Variants in PCGF2 observed in about 807,000 individuals in gnomAD.
PCGF2 encodes polycomb group ring finger 2.
Under a neutral mutation model 36.1 loss-of-function variants are expected in PCGF2, and 8 were observed. The ratio of observed to expected loss-of-function variants is 0.22; its 90% CI spans 0.13 to 0.40. PCGF2 has a LOEUF of 0.40. Ranked by LOEUF, PCGF2 falls within the 10% of genes least tolerant of loss-of-function variation. The pLI is 1.00. For missense variants in PCGF2, 436 were observed against 475.9 expected, an observed-to-expected ratio of 0.92 and a Z score of 0.78; for synonymous variants, 198 against 191.2, an observed-to-expected ratio of 1.04 and a Z score of -0.29.
At chr17:38,738,689 CTG>C (rs1906957993) in intron 7 of PCGF2, 62 bp downstream of exon 7, 1 of 1,573,810 alleles carries the variant, frequency 6.4e-7, no homozygotes, top group South Asian at 1.1e-5. Context: ...AGAGAGGGTC[CTG>C]GGTGGGAGAA....
At position 38,738,446 on chromosome 17, in the gene PCGF2, T is replaced by C; in HGVS notation, c.483A>G (p.Thr161=). 3 of 1,614,114 alleles carry C rather than the reference T, an allele frequency of 1.9e-6. No homozygotes were observed. The highest frequency in any genetic ancestry group is 1.7e-5 in the Admixed American group (1 of 60,018). ...CTGGGCATCGCAGGAAGCGCACCCC[T>C]GTCTGCTGGGGCACAGGCACCCATG... is the stretch of plus-strand genomic sequence containing the variant. ...LENGDGDKEK[T]GVRFLRCPAA... Residue 161 remains threonine (T), a splice_region_variant and synonymous_variant, in exon 9 of 11, where the codon ACA becomes ACG. Transcript: ENST00000620225.
intron 2 of PCGF2, among the ~76,000 whole-genome samples, chr17:38,742,513 A>G (rs1045669522): frequency 2.6e-5 from 4 of 152,206 alleles, no homozygotes; most frequent in Non-Finnish European, 4.4e-5. Context: ...ACAGAGGGGC[A>G]CAAGCCAGTC....
At position 38,739,174 on chromosome 17, in the gene PCGF2, G is replaced by A; in HGVS notation, c.265+24C>T. 6.2e-7 allele frequency: 1 copy of A among 1,613,910 alleles called. No homozygotes were observed. The highest frequency in any genetic ancestry group is 8.5e-7 in the Non-Finnish European group (1 of 1,179,796). ...CCATGGGTTGGGAAATGGGGTCAGT[G>A]GAGGAGGAATGGAGTGCAGATACCT... On this transcript the variant is annotated intron_variant, in intron 5 of 10. Coordinates refer to ENST00000620225, the MANE Select transcript of PCGF2 (RefSeq NM_007144.3). The surrounding 1 kb of genome is among the most constrained non-coding windows in gnomAD (Gnocchi z 4.0).
At chr17:38,749,789 G>A (rs982275976), upstream of PCGF2, 14 of 454,888 alleles carry the variant, frequency 3.1e-5, no homozygotes, top group Admixed American at 3.3e-4. The surrounding 1 kb of genome is among the most constrained non-coding windows in gnomAD (Gnocchi z 6.5). Flanking sequence ...ACTGGCCGCC[G>A]AGTGACCCCA....
At chr17:38,743,637 G>T (rs914419627) in intron 2 of PCGF2, among the ~76,000 whole-genome samples, 1 of 152,118 alleles carries the variant, frequency 6.6e-6, no homozygotes, top group Non-Finnish European at 1.5e-5. Context: ...GGTTCTGACT[G>T]TTACCTCTGG....
chr17:38,735,415 G>T lies in PCGF2; in HGVS notation c.843C>A (p.Thr281=), dbSNP rs1226495029. ...GGGAACTGGGAGAGCCATGGGATGGGGTGGCTGGGCTGGGCAGGGAGGAGG... is the reference window on the plus strand; with the variant it reads ...GGGAACTGGGAGAGCCATGGGATGGTGTGGCTGGGCTGGGCAGGGAGGAGG... ...ATSSSLPSPA[T]PSHGSPSSHG... Residue 281 remains threonine (T), a synonymous_variant, in exon 11 of 11, where the codon ACC becomes ACA. Coordinates refer to ENST00000620225, the MANE Select transcript of PCGF2 (RefSeq NM_007144.3). The T allele has an allele frequency of 1.8e-5, 29 of 1,574,662 alleles. No individual in the cohort carries two copies. The highest frequency in any genetic ancestry group is 2.5e-5 in the Non-Finnish European group (29 of 1,159,526).
Position 38,735,310 on chromosome 17 carries a change from AC to A in PCGF2, c.947del (p.Gly316ValfsTer3), listed in dbSNP as rs1355393598. ...ASGATTAANG[G>X]SLNCLQTPSS... Reference sequence around the variant, plus strand: ...ATGGTGTCTGCAGGCAGTTCAAGCTACCCCCGTTGGCAGCTGTGGTGGCCCC... The same window carrying A: ...ATGGTGTCTGCAGGCAGTTCAAGCTACCCCGTTGGCAGCTGTGGTGGCCCC... On this transcript the variant is annotated frameshift_variant, in exon 11 of 11. Transcript: ENST00000620225. LOFTEE classifies it high-confidence loss of function. The A allele has an allele frequency of 1.3e-6, 2 of 1,528,650 alleles. No individual in the cohort carries two copies. Among genetic ancestry groups the A allele is most frequent in the Non-Finnish European group, 1.8e-6 (2 of 1,131,380 alleles). The allele number at this position is 1,528,650 out of a possible 1,614,324, so 94.7% of individuals were successfully genotyped here.
At chr17:38,743,920 G>A (rs1404728718) in intron 2 of PCGF2, among the ~76,000 whole-genome samples, 1 of 152,196 alleles carries the variant, frequency 6.6e-6, no homozygotes, top group Non-Finnish European at 1.5e-5. Context: ...TGAGGAAGAG[G>A]CTGGGAGATG....
At chr17:38,745,224 C>T (rs527421464) in intron 2 of PCGF2, among the ~76,000 whole-genome samples, 4 of 152,174 alleles carry the variant, frequency 2.6e-5, no homozygotes, top group South Asian at 4.1e-4. Flanking sequence ...CCCAGCTACT[C>T]GGGAGGCTGA....
At chr17:38,738,267 C>T in intron 9 of PCGF2, 86 bp downstream of exon 9, 1 of 1,153,040 alleles carries the variant, frequency 8.7e-7, no homozygotes, top group Non-Finnish European at 1.3e-6. Flanking sequence ...TGACACCTAG[C>T]CAGCTCTGAC....
chr17:38,747,093 G>A (rs993099263), intron 2 of PCGF2, among the ~76,000 whole-genome samples: 2 of 152,110 alleles, frequency 1.3e-5, no homozygotes, highest in African/African-American at 4.8e-5. Context: ...CTCGGGAAGC[G>A]CTGGGTAACA....
At chr17:38,740,485 C>G in intron 2 of PCGF2, 43 bp from the exon 3 acceptor site, 2 of 1,465,806 alleles carry the variant, frequency 1.4e-6, no homozygotes, top group Non-Finnish European at 9.2e-7. Context: ...GTTGGCCGGG[C>G]GCGGTGGTTC....
intron 2 of PCGF2, 144 bp from the exon 3 acceptor site, chr17:38,740,586 C>T (rs903687448): frequency 9.8e-5 from 57 of 580,984 alleles, no homozygotes; most frequent in Admixed American, 8.6e-4. Context: ...GGTGAAACCC[C>T]ATCTCTACTA....
intron 9 of PCGF2, among the ~76,000 whole-genome samples, chr17:38,736,782 G>A (rs774158207): frequency 3.3e-5 from 5 of 151,930 alleles, no homozygotes; most frequent in South Asian, 4.2e-4. Flanking sequence ...TGCAGTGAGC[G>A]GAGATAGTGC....
chr17:38,740,270 G>T, intron 3 of PCGF2, 21 bp downstream of exon 3: 2 of 1,607,074 alleles, frequency 1.2e-6, no homozygotes, highest in Non-Finnish European at 1.7e-6. Context: ...ACCCTGAGCA[G>T]CTCCCCTCCC....
At chr17:38,738,627 A>C in intron 7 of PCGF2, 32 bp from the exon 8 acceptor site, 1 of 1,564,504 alleles carries the variant, frequency 6.4e-7, no homozygotes, top group Non-Finnish European at 8.7e-7. Context: ...AGCTAGGAAG[A>C]CCCAGGAAGA....
Position 38,739,259 on chromosome 17 carries a change from GA to G in PCGF2, c.210-7del. ...CTTGAAGTGTTTTGTCAGACCTGGG[GA>G]AAAATGGACAGGGCTTATCAGCAAT... On this transcript the variant is annotated splice_polypyrimidine_tract_variant and splice_region_variant and intron_variant, in intron 4 of 10. Coordinates refer to ENST00000620225, the MANE Select transcript of PCGF2 (RefSeq NM_007144.3). The surrounding 1 kb of genome is among the most constrained non-coding windows in gnomAD (Gnocchi z 4.0). The G allele has an allele frequency of 6.2e-7, 1 of 1,613,314 alleles. No homozygotes were observed. The highest frequency in any genetic ancestry group is 8.5e-7 in the Non-Finnish European group (1 of 1,179,438).
At chr17:38,737,860 C>T (rs1320507163) in intron 9 of PCGF2, among the ~76,000 whole-genome samples, 1 of 145,282 alleles carries the variant, frequency 6.9e-6, no homozygotes, top group African/African-American at 2.6e-5. Context: ...TGCAGTGAGC[C>T]GAGATCGCTC....
chr17:38,743,696 G>A (rs2143136042), intron 2 of PCGF2, among the ~76,000 whole-genome samples: 1 of 152,232 alleles, frequency 6.6e-6, no homozygotes, highest in Admixed American at 6.5e-5. Context: ...TGATTGCCAT[G>A]GTTACCTGCA....
Sources: allele counts gnomAD v4.1 joint callset (sites outside exome capture counted in the v4.1 genomes callset), GRCh38; gene constraint gnomAD v4.1.1; non-coding constraint Gnocchi (gnomAD v3.1); transcripts MANE v1.5; gene names NCBI Gene and HGNC (gene_info 2026-07-23, HGNC 2026-07-21).